Variants in SSH2 observed in about 807,000 individuals in gnomAD.
SSH2 encodes slingshot protein phosphatase 2.
A neutral mutation model predicts 135.2 loss-of-function variants in SSH2; 37 were observed. The ratio of observed to expected loss-of-function variants is 0.27; its 90% CI spans 0.21 to 0.36. SSH2 has a LOEUF of 0.36. Among genes scored for constraint, SSH2 ranks in the 10% least tolerant of loss-of-function variants. The pLI is 1.00. For synonymous variants in SSH2, 628 were observed against 646.2 expected (o/e 0.97, Z 0.43); for missense variants, 1,408 against 1,765.3 (o/e 0.80, Z 3.63).
At chr17:29,743,636 C>T (rs369757458) in intron 3 of SSH2, among the ~76,000 whole-genome samples, 4 of 152,004 alleles carry the variant, frequency 2.6e-5, no homozygotes, top group African/African-American at 4.8e-5. Flanking sequence ...AGGATTAAAG[C>T]GTGTTCTTAA....
At chr17:29,714,722 C>T (rs1013853367) in intron 3 of SSH2, among the ~76,000 whole-genome samples, 3 of 152,164 alleles carry the variant, frequency 2.0e-5, no homozygotes, top group Non-Finnish European at 4.4e-5. Flanking sequence ...CTCTGGAAGT[C>T]ACGAGTTCTT....
At chr17:29,709,050 A>AGAGAGAGAGAGAGC (rs982312745) in intron 3 of SSH2, among the ~76,000 whole-genome samples, 2 of 145,574 alleles carry the variant, frequency 1.4e-5, no homozygotes, top group African/African-American at 2.6e-5. Flanking sequence ...AGAGAGAGAG[A>AGAGAGAGAGAGAGC]GAGCTAATAA....
chr17:29,779,836 A>AAAAG (rs1472081646), intron 3 of SSH2, among the ~76,000 whole-genome samples: 1 of 148,912 alleles, frequency 6.7e-6, no homozygotes, highest in Non-Finnish European at 1.5e-5. Flanking sequence ...AAAAAAAAAA[A>AAAAG]AAAAGATGAA....
intron 3 of SSH2, among the ~76,000 whole-genome samples, chr17:29,709,019 G>T (rs199978793): frequency 0.33 from 21,128 of 64,160 alleles, 1,959 homozygotes; most frequent in East Asian, 0.37. Flanking sequence ...TATATATAGA[G>T]AGAGAGAGAG....
At chr17:29,922,708 G>T (rs1424726648) in intron 1 of SSH2, among the ~76,000 whole-genome samples, 1 of 152,222 alleles carries the variant, frequency 6.6e-6, no homozygotes, top group Non-Finnish European at 1.5e-5. Context: ...CAGCTAATCA[G>T]AAGGCTGAAG....
intron 14 of SSH2, among the ~76,000 whole-genome samples, chr17:29,644,105 A>G (rs1367785401): frequency 6.6e-6 from 1 of 152,212 alleles, no homozygotes; most frequent in African/African-American, 2.4e-5. Context: ...AAAGGAGATG[A>G]TAAGTGGTAC....
intron 2 of SSH2, among the ~76,000 whole-genome samples, chr17:29,815,993 C>T (rs576721712): frequency 2.6e-5 from 4 of 151,902 alleles, no homozygotes; most frequent in African/African-American, 9.7e-5. Flanking sequence ...GGACTACAGG[C>T]GCGCACCACC....
chr17:29,860,562 A>G (rs2065745934), intron 1 of SSH2, among the ~76,000 whole-genome samples: 1 of 146,580 alleles, frequency 6.8e-6, no homozygotes, highest in Non-Finnish European at 1.5e-5. Flanking sequence ...TGCTTCAGCC[A>G]CCGCGATTAC....
chr17:29,775,096 C>T (rs1418302492), intron 3 of SSH2, among the ~76,000 whole-genome samples: 1 of 152,148 alleles, frequency 6.6e-6, no homozygotes, highest in African/African-American at 2.4e-5. Context: ...GTGCCTATTG[C>T]TATACAAACT....
At chr17:29,842,165 T>A (rs2043053399) in intron 2 of SSH2, among the ~76,000 whole-genome samples, 1 of 151,880 alleles carries the variant, frequency 6.6e-6, no homozygotes. Context: ...ATTTAAAAGA[T>A]CATCACAGCC....
intron 14 of SSH2, chr17:29,640,627 T>C (rs1212046852): frequency 6.6e-6 from 1 of 152,108 alleles, no homozygotes; most frequent in Non-Finnish European, 1.5e-5. Flanking sequence ...AAGATAGGTC[T>C]GATGCTGCTG....
chr17:29,736,981 C>T (rs1180350374), intron 3 of SSH2, among the ~76,000 whole-genome samples: 2 of 148,756 alleles, frequency 1.3e-5, no homozygotes, highest in Non-Finnish European at 3.0e-5. Flanking sequence ...CGCCTGTAGT[C>T]CCAGCTACTC....
intron 12 of SSH2, among the ~76,000 whole-genome samples, chr17:29,652,379 G>A (rs1020851852): frequency 6.6e-6 from 1 of 152,126 alleles, no homozygotes; most frequent in African/African-American, 2.4e-5. Flanking sequence ...GGGATTGTTG[G>A]GGCAGGGGTA....
chr17:29,846,784 AAG>A (rs891538461), intron 2 of SSH2, among the ~76,000 whole-genome samples: 1 of 152,258 alleles, frequency 6.6e-6, no homozygotes, highest in Non-Finnish European at 1.5e-5. Flanking sequence ...ATCTTACTTC[AAG>A]AGATAGTTTA....
chr17:29,899,896 A>T (rs979119526), intron 1 of SSH2, among the ~76,000 whole-genome samples: 1 of 152,330 alleles, frequency 6.6e-6, no homozygotes, highest in South Asian at 2.1e-4. Flanking sequence ...ACAAGGCTAC[A>T]GTAACCAAAA....
chr17:29,902,262 C>A (rs79123012), intron 1 of SSH2, among the ~76,000 whole-genome samples: 9,407 of 152,146 alleles, frequency 0.062, 546 homozygotes, highest in African/African-American at 0.16. Context: ...AAGTAAAATA[C>A]CAACTCATAT....
intron 3 of SSH2, among the ~76,000 whole-genome samples, chr17:29,791,008 G>A (rs1460837000): frequency 1.3e-5 from 2 of 151,976 alleles, no homozygotes; most frequent in Non-Finnish European, 2.9e-5. Context: ...GATTACAGGT[G>A]TGAGCCACTG....
Position 29,862,319 on chromosome 17 carries a change from T to C in SSH2, c.64-13390A>G, listed in dbSNP as rs148042484. Among the ~76,000 whole-genome samples the C allele has an allele frequency of 6.2e-4, 94 of 152,370 alleles. No homozygotes were observed. The East Asian group carries it at 0.015, about 25-fold the overall frequency. On this transcript the variant is annotated intron_variant, in intron 1 of 15. Coordinates refer to ENST00000540801, the MANE Select transcript of SSH2 (RefSeq NM_001282129.2). ...CTTTATCCCCCTCTGGACTATGAGC[T>C]TCTCAACTTGTACTGCCAGGGCCTG...
At chr17:29,711,982 C>T (rs770131262) in intron 3 of SSH2, among the ~76,000 whole-genome samples, 19 of 152,136 alleles carry the variant, frequency 1.2e-4, no homozygotes, top group Non-Finnish European at 2.6e-4. Flanking sequence ...GAGGTCCTGA[C>T]GACATGTTCC....
Sources: gnomAD v4.1 joint callset for allele counts (sites outside exome capture counted in the v4.1 genomes callset) on GRCh38, gnomAD v4.1.1 for gene constraint, MANE v1.5 for transcripts, NCBI Gene and HGNC (gene_info 2026-07-23, HGNC 2026-07-21) for gene names.